DNM3: variants seen among roughly 807,000 people sequenced by gnomAD.
The protein encoded by DNM3 is dynamin-3.
DNM3 carries 47 observed loss-of-function variants against 101.6 expected under a neutral mutation model. That is an observed-to-expected ratio of 0.46 (90% CI 0.37 to 0.59). DNM3 has a LOEUF of 0.59. DNM3 is among the 20% of genes least tolerant of loss of function. The probability of loss-of-function intolerance (pLI) is 0.00; values close to 1 mark genes in which losing one functional copy is unlikely to be tolerated. For missense variants in DNM3, 849 were observed against 1,085.7 expected, an observed-to-expected ratio of 0.78 and a Z score of 3.06; for synonymous variants, 385 against 387.9, an observed-to-expected ratio of 0.99 and a Z score of 0.09.
chr1:171,958,349 T>C (rs769532761), intron 2 of DNM3, among the ~76,000 whole-genome samples: 3 of 152,156 alleles, frequency 2.0e-5, no homozygotes, highest in Non-Finnish European at 4.4e-5. Context: ...CAGGTTATGA[T>C]GTGTGTGTAT....
chr1:172,376,600 A>T (rs2149049516), intron 17 of DNM3: 1 of 152,202 alleles, frequency 6.6e-6, no homozygotes, highest in African/African-American at 2.4e-5. Context: ...TTCATCTTAG[A>T]CATTGGTAGA....
At chr1:171,981,699 T>C (rs2044807373) in intron 2 of DNM3, among the ~76,000 whole-genome samples, 1 of 152,254 alleles carries the variant, frequency 6.6e-6, no homozygotes, top group South Asian at 2.1e-4. Flanking sequence ...CATTCTTTGA[T>C]ATAGTAATGT....
rs184877376 is a variant in DNM3 at position 171,995,818 on chromosome 1, C to A, written c.589+6670C>A. 1.2e-4 allele frequency among the ~76,000 whole-genome samples: 19 copies of A among 152,206 alleles called. 1 individual carries two copies. Among genetic ancestry groups the A allele is most frequent in the Middle Eastern group, 6.8e-3 (2 of 294 alleles). ...AGATAGTAGAGGACCATTCTTCATT[C>A]TTTATTTATCTGAATTAGAATCTTA... On this transcript the variant is annotated intron_variant, in intron 4 of 20. Transcript: ENST00000627582.
rs75612289 is a variant in DNM3, at chr1:171,989,633, G to A, written c.589+485G>A. Among the ~76,000 whole-genome samples, 69 of 152,198 alleles carry A rather than the reference G, an allele frequency of 4.5e-4. 1 individual carries two copies. In the East Asian group the frequency reaches 0.012, roughly 26 times the overall value. ...TATAATTATTTGAGAAAAAATGTAC[G>A]TATAAGCAGGGATTTATTTGGTATT... On this transcript the variant is annotated intron_variant, in intron 4 of 20. Coordinates refer to ENST00000627582, the MANE Select transcript of DNM3 (RefSeq NM_015569.5).
At chr1:172,159,351 G>T (rs2148279559) in intron 14 of DNM3, among the ~76,000 whole-genome samples, 1 of 152,012 alleles carries the variant, frequency 6.6e-6, no homozygotes, top group Non-Finnish European at 1.5e-5. Context: ...TTGTGTTTCT[G>T]CTACAGCAAG....
At chr1:172,271,755 A>G (rs894037172) in intron 15 of DNM3, among the ~76,000 whole-genome samples, 1 of 152,136 alleles carries the variant, frequency 6.6e-6, no homozygotes, top group Non-Finnish European at 1.5e-5. Context: ...TGCACTTTAA[A>G]TGGATCTTTT....
chr1:171,969,421 A>G (rs2043826534), intron 2 of DNM3, among the ~76,000 whole-genome samples: 1 of 152,124 alleles, frequency 6.6e-6, no homozygotes, highest in Admixed American at 6.6e-5. Context: ...GGCAGTGGGA[A>G]CACGAGGGGC....
intron 14 of DNM3, among the ~76,000 whole-genome samples, chr1:172,143,126 T>C (rs898977171): frequency 1.3e-5 from 2 of 152,152 alleles, no homozygotes; most frequent in African/African-American, 4.8e-5. Flanking sequence ...TAAAGTAAGT[T>C]GTTTTGACAA....
chr1:171,933,440 C>G (rs1221706481), intron 2 of DNM3, among the ~76,000 whole-genome samples: 1 of 152,134 alleles, frequency 6.6e-6, no homozygotes, highest in Non-Finnish European at 1.5e-5. Context: ...GGCTTACATT[C>G]TAGGTGGAGA....
At chr1:172,173,181 C>T (rs955579586) in intron 14 of DNM3, among the ~76,000 whole-genome samples, 3 of 151,716 alleles carry the variant, frequency 2.0e-5, no homozygotes, top group East Asian at 3.9e-4. Flanking sequence ...GATGCTAGAA[C>T]TAAGGCACTG....
At chr1:172,326,641 A>G (rs574035172) in intron 17 of DNM3, among the ~76,000 whole-genome samples, 1 of 151,948 alleles carries the variant, frequency 6.6e-6, no homozygotes, top group East Asian at 1.9e-4. Flanking sequence ...AATTTCATAG[A>G]CTTTTAATTT....
intron 20 of DNM3, among the ~76,000 whole-genome samples, chr1:172,396,306 G>T (rs562275776): frequency 1.4e-4 from 22 of 152,320 alleles, no homozygotes; most frequent in Middle Eastern, 3.4e-3. Flanking sequence ...CCATAGCAAG[G>T]TAGGGTCTTC....
At chr1:172,019,574 TTC>T (rs1333960701) in intron 4 of DNM3, among the ~76,000 whole-genome samples, 3 of 151,794 alleles carry the variant, frequency 2.0e-5, no homozygotes, top group East Asian at 3.9e-4. Flanking sequence ...ATCTGTTCCT[TTC>T]TCTCTCTCTT....
chr1:171,974,239 A>T (rs181561176), intron 2 of DNM3, among the ~76,000 whole-genome samples: 30 of 152,340 alleles, frequency 2.0e-4, no homozygotes, highest in Admixed American at 1.8e-3. Flanking sequence ...CTGAGTAGTC[A>T]CTACACTGTT....
At position 172,409,640 on chromosome 1, in the gene DNM3, A is replaced by AT. The variant is rs754929183; in HGVS notation, c.*1800dup. 162 of 985,670 alleles carry AT rather than the reference A, an allele frequency of 1.6e-4. 1 individual carries two copies. Among genetic ancestry groups the AT allele is most frequent in the Non-Finnish European group, 1.8e-4 (149 of 829,884 alleles). 61.1% of individuals were successfully genotyped at this position (985,670 alleles called of 1,614,324 possible). ...TGAATGGAACCAATGTGCAAGATAC[A>AT]TACTGCATTTTTAAAATAGTGTCTC... On this transcript the variant is annotated 3_prime_UTR_variant, in exon 21 of 21. Coordinates refer to ENST00000627582, the MANE Select transcript of DNM3 (RefSeq NM_015569.5).
intron 2 of DNM3, among the ~76,000 whole-genome samples, chr1:171,979,887 A>T (rs2044657727): frequency 6.6e-6 from 1 of 152,124 alleles, no homozygotes; most frequent in Non-Finnish European, 1.5e-5. Flanking sequence ...CTGAATTTGC[A>T]TCTTGGTTTT....
intron 12 of DNM3, among the ~76,000 whole-genome samples, chr1:172,088,839 C>T (rs1444994794): frequency 6.6e-6 from 1 of 152,148 alleles, no homozygotes; most frequent in East Asian, 1.9e-4. Flanking sequence ...ACATCATAGA[C>T]AAGGATAGGA....
chr1:171,986,374 G>A (rs1164627165), intron 2 of DNM3, among the ~76,000 whole-genome samples: 2 of 151,828 alleles, frequency 1.3e-5, no homozygotes, highest in East Asian at 1.9e-4. Flanking sequence ...TTGAAGACAC[G>A]GACCACATCT....
intron 1 of DNM3, among the ~76,000 whole-genome samples, chr1:171,893,866 G>A (rs183420504): frequency 1.1e-4 from 17 of 152,230 alleles, no homozygotes; most frequent in Non-Finnish European, 1.9e-4. Flanking sequence ...AAACTTTTGA[G>A]TAAGTATTGT....
Sources: gnomAD v4.1 joint callset for allele counts (sites outside exome capture counted in the v4.1 genomes callset) on GRCh38, gnomAD v4.1.1 for gene constraint, MANE v1.5 for transcripts, NCBI Gene and HGNC (gene_info 2026-07-23, HGNC 2026-07-21) for gene names.